The following IL34 variants were observed in gnomAD, a reference collection of about 807,000 sequenced individuals.
IL34 encodes interleukin 34.
A neutral mutation model predicts 25.3 loss-of-function variants in IL34; 17 were observed. The ratio of observed to expected loss-of-function variants is 0.67; its 90% confidence interval spans 0.46 to 1.01. IL34 has a LOEUF of 1.01. IL34 is among the 50% of genes least tolerant of loss of function. The pLI is 0.00. For synonymous variants in IL34, 174 were observed against 140.9 expected (o/e 1.23, Z -1.66); for missense variants, 368 against 312.9 (o/e 1.18, Z -1.33).
intron 1 of IL34, among the ~76,000 whole-genome samples, chr16:70,601,375 G>T (rs976936223): frequency 6.6e-6 from 1 of 152,180 alleles, no homozygotes; most frequent in East Asian, 1.9e-4. Context: ...CCAAAGTGCT[G>T]GGATTACAGG....
chr16:70,580,638 G>A (rs763825675), intron 1 of IL34, among the ~76,000 whole-genome samples: 13 of 151,922 alleles, frequency 8.6e-5, no homozygotes, highest in Non-Finnish European at 1.8e-4. Context: ...AAAGTTAGCC[G>A]GGTGTGGTGG....
intron 1 of IL34, among the ~76,000 whole-genome samples, chr16:70,648,135 G>T (rs180883688): frequency 6.6e-6 from 1 of 152,196 alleles, no homozygotes; most frequent in Non-Finnish European, 1.5e-5. Flanking sequence ...AGAGCCCGGC[G>T]GGGGTGGAAT....
intron 4 of IL34, among the ~76,000 whole-genome samples, chr16:70,659,068 A>G (rs772309169): frequency 6.6e-6 from 1 of 152,044 alleles, no homozygotes; most frequent in Non-Finnish European, 1.5e-5. Flanking sequence ...GATGCTTTCT[A>G]CAGTGGCCCT....
chr16:70,635,331 T>G (rs2051616585), intron 1 of IL34, among the ~76,000 whole-genome samples: 1 of 152,206 alleles, frequency 6.6e-6, no homozygotes, highest in Non-Finnish European at 1.5e-5. Context: ...CACAGAGCTG[T>G]CAAGCTAAAC....
At chr16:70,613,255 G>C (rs1317642974) in intron 1 of IL34, among the ~76,000 whole-genome samples, 3 of 152,220 alleles carry the variant, frequency 2.0e-5, no homozygotes, top group Non-Finnish European at 4.4e-5. Context: ...TTTCTCCGGA[G>C]AGTGAAGGAC....
rs182816191 is a variant in IL34 at position 70,659,149 on chromosome 16, G to A, written c.403-469G>A. 6.5e-4 allele frequency among the ~76,000 whole-genome samples: 99 copies of A among 152,268 alleles called. 1 individual carries two copies. The highest frequency in any genetic ancestry group is 1.7e-3 in the Admixed American group (26 of 15,292). Reference sequence around the variant, plus strand: ...CCACATGACCCTGTTGTTGCATATCGTGGAGAGAAAGCACCCCAGCTTGAA... The same window carrying A: ...CCACATGACCCTGTTGTTGCATATCATGGAGAGAAAGCACCCCAGCTTGAA... On this transcript the variant is annotated intron_variant, in intron 4 of 5. Coordinates refer to ENST00000288098, the MANE Select transcript of IL34 (RefSeq NM_001393494.1).
At chr16:70,621,199 G>A (rs556788484) in intron 1 of IL34, among the ~76,000 whole-genome samples, 88 of 152,216 alleles carry the variant, frequency 5.8e-4, no homozygotes, top group African/African-American at 1.9e-3. Flanking sequence ...CAAGGCAGGC[G>A]TCCCTGCATG....
chr16:70,628,480 T>C (rs572923973), intron 1 of IL34, among the ~76,000 whole-genome samples: 1 of 151,472 alleles, frequency 6.6e-6, no homozygotes, highest in South Asian at 2.1e-4. Context: ...TTTATTTATT[T>C]ATTTATTTAT....
At chr16:70,596,198 G>T (rs985126270) in intron 1 of IL34, among the ~76,000 whole-genome samples, 1 of 152,028 alleles carries the variant, frequency 6.6e-6, no homozygotes. Context: ...TCTCTCTGGG[G>T]TCTCTTTTAT....
chr16:70,595,453 T>C (rs1045637858), intron 1 of IL34, among the ~76,000 whole-genome samples: 4 of 152,132 alleles, frequency 2.6e-5, no homozygotes, highest in African/African-American at 9.7e-5. Flanking sequence ...CTCGTGTAGC[T>C]GGACCACAGG....
At chr16:70,587,092 T>G (rs1470291687) in intron 1 of IL34, among the ~76,000 whole-genome samples, 1 of 152,120 alleles carries the variant, frequency 6.6e-6, no homozygotes, top group East Asian at 1.9e-4. Flanking sequence ...GGGCTGGGGT[T>G]AGTCTTGCAA....
At chr16:70,622,663 A>C (rs1028318004) in intron 1 of IL34, among the ~76,000 whole-genome samples, 4 of 151,982 alleles carry the variant, frequency 2.6e-5, no homozygotes, top group African/African-American at 9.7e-5. Flanking sequence ...TGGTATCAGG[A>C]ATAATGTGGG....
At chr16:70,653,802 G>A (rs1356594671) in intron 1 of IL34, among the ~76,000 whole-genome samples, 1 of 152,158 alleles carries the variant, frequency 6.6e-6, no homozygotes, top group African/African-American at 2.4e-5. Flanking sequence ...CTGCTCTGAT[G>A]GACTTAACCT....
upstream of IL34, among the ~76,000 whole-genome samples, chr16:70,645,860 C>T (rs940734899): frequency 6.6e-6 from 1 of 152,096 alleles, no homozygotes; most frequent in African/African-American, 2.4e-5. Context: ...TGAGACTAGC[C>T]TGGCCAACAT....
upstream of IL34, among the ~76,000 whole-genome samples, chr16:70,646,046 C>G (rs1230706153): frequency 6.6e-6 from 1 of 152,074 alleles, no homozygotes; most frequent in Non-Finnish European, 1.5e-5. Context: ...GAGTCTGAGA[C>G]TCCGTCTCAA....
Position 70,646,567 on chromosome 16 carries a change from C to A in IL34, c.-381C>A. The A allele has an allele frequency of 3.7e-6, 1 of 269,918 alleles. No homozygotes were observed. The highest frequency in any genetic ancestry group is 6.9e-6 in the Non-Finnish European group (1 of 144,660). 16.7% of individuals were successfully genotyped at this position (269,918 alleles called of 1,614,324 possible). A position where few individuals can be genotyped will look rare whatever the true frequency, so the allele number is the denominator to read the frequency against. On this transcript the variant is annotated 5_prime_UTR_variant, in exon 1 of 6. Coordinates refer to ENST00000288098, the MANE Select transcript of IL34 (RefSeq NM_001393494.1). ...TCCTAGAGCCAGATTTCACACTGAG[C>A]AGCTGCAGTCGGAGAAATCAGAGAA...
intron 1 of IL34, among the ~76,000 whole-genome samples, chr16:70,640,194 T>G (rs2051748254): frequency 6.6e-6 from 1 of 152,138 alleles, no homozygotes; most frequent in African/African-American, 2.4e-5. Flanking sequence ...CAGGCTGGAG[T>G]GCAGTGGTGC....
intron 1 of IL34, among the ~76,000 whole-genome samples, chr16:70,630,662 C>T (rs2051499338): frequency 1.3e-5 from 2 of 151,374 alleles, no homozygotes. Context: ...CAACCTCAGT[C>T]TCCCAGGCTC....
At chr16:70,616,235 G>C (rs1312713772) in intron 1 of IL34, among the ~76,000 whole-genome samples, 1 of 152,190 alleles carries the variant, frequency 6.6e-6, no homozygotes, top group Non-Finnish European at 1.5e-5. Context: ...CTAAGTATCT[G>C]CATTTGTGAT....
Sources: gnomAD v4.1 joint callset for allele counts (sites outside exome capture counted in the v4.1 genomes callset) on GRCh38, gnomAD v4.1.1 for gene constraint, MANE v1.5 for transcripts, NCBI Gene and HGNC (gene_info 2026-07-23, HGNC 2026-07-21) for gene names.